Variants in CERS1 observed in about 807,000 individuals in gnomAD.
CERS1 encodes Embryonic growth/differentiation factor 1.
CERS1 carries 16 observed loss-of-function variants against 35.7 expected under a neutral mutation model. The observed-to-expected ratio is 0.45, with a 90% CI of 0.30 to 0.68. The LOEUF is 0.68. Among genes scored for constraint, CERS1 ranks in the 30% least tolerant of loss-of-function variants. The probability of loss-of-function intolerance (pLI) is 0.08; values close to 1 mark genes in which losing one functional copy is unlikely to be tolerated. For missense variants in CERS1, 454 were observed against 453.9 expected, an observed-to-expected ratio of 1.00 and a Z score of 0.00; for synonymous variants, 243 against 201.6, an observed-to-expected ratio of 1.21 and a Z score of -1.74.
In CERS1 at chr19:18,892,380, T is replaced by C. The variant is rs61364779; in HGVS notation, c.409+1036A>G. Among the ~76,000 whole-genome samples, 1,446 of 151,968 alleles carry C rather than the reference T, an allele frequency of 9.5e-3. 29 individuals are homozygous for C. Among genetic ancestry groups the C allele is most frequent in the African/African-American group, 0.033 (1,370 of 41,476 alleles). On this transcript the variant is annotated intron_variant, in intron 2 of 7. Coordinates refer to ENST00000623882, the MANE Select transcript of CERS1 (RefSeq NM_021267.5). Reference sequence around the variant, plus strand: ...CTGTAATCCCAGCACTTTGGGAGGCTGAGGCGGGCAGATCATGAGATCAGG... The same window carrying C: ...CTGTAATCCCAGCACTTTGGGAGGCCGAGGCGGGCAGATCATGAGATCAGG...
chr19:18,893,578 A>G lies in CERS1; in HGVS notation c.250-3T>C. The G allele has an allele frequency of 6.2e-7, 1 of 1,605,828 alleles. No individual in the cohort carries two copies. The highest frequency in any genetic ancestry group is 8.5e-7 in the Non-Finnish European group (1 of 1,177,092). ...AGGCAGCACCGCTTCGCCAGGGGCT[A>G]TGGGGGAGAAGACAGGCGGGCAGCC... On this transcript the variant is annotated splice_polypyrimidine_tract_variant and splice_region_variant and intron_variant, in intron 1 of 7. Coordinates refer to ENST00000623882, the MANE Select transcript of CERS1 (RefSeq NM_021267.5).
chr19:18,887,693 G>A (rs537443241), intron 2 of CERS1, among the ~76,000 whole-genome samples: 261 of 144,410 alleles, frequency 1.8e-3, no homozygotes, highest in African/African-American at 4.0e-3. Context: ...GTGGTGAGCC[G>A]AGATCACACC....
At chr19:18,877,238 A>C (rs1303644937) in intron 6 of CERS1, among the ~76,000 whole-genome samples, 1 of 152,214 alleles carries the variant, frequency 6.6e-6, no homozygotes, top group East Asian at 1.9e-4. Context: ...TGTTCTGATG[A>C]GACATCCTCA....
At chr19:18,883,372 A>G (rs1464996000) in intron 3 of CERS1, 1 of 152,182 alleles carries the variant, frequency 6.6e-6, no homozygotes, top group Non-Finnish European at 1.5e-5. Context: ...TTCAATATGG[A>G]GTCGAGATAA....
intron 2 of CERS1, among the ~76,000 whole-genome samples, chr19:18,892,833 G>C (rs1055286410): frequency 2.6e-5 from 4 of 152,136 alleles, no homozygotes; most frequent in Admixed American, 6.5e-5. Context: ...TGTCCCCAGG[G>C]ATCACCTTTG....
At position 18,884,453 on chromosome 19, in the gene CERS1, C is replaced by G. The variant is rs1164743086; in HGVS notation, c.410-186G>C. Among the ~76,000 whole-genome samples, 6 of 150,844 alleles carry G rather than the reference C, an allele frequency of 4.0e-5. No homozygotes were observed. In the East Asian group the frequency reaches 9.7e-4, roughly 24 times the overall value. ...TTTTTCTTTGAGACGGAGTCTCCCT[C>G]TGTCGCCCAGGCTGGAGTGCAGTGG... On this transcript the variant is annotated intron_variant, in intron 2 of 7. Transcript: ENST00000623882.
At chr19:18,883,322 A>C (rs2056261284) in intron 3 of CERS1, 1 of 152,202 alleles carries the variant, frequency 6.6e-6, no homozygotes. Context: ...AATTTTAATA[A>C]TGCATTCTAA....
intron 6 of CERS1, among the ~76,000 whole-genome samples, chr19:18,877,756 CAAA>C (rs386388683): frequency 1.9e-5 from 2 of 103,980 alleles, no homozygotes. Context: ...GACCCTGTCT[CAAA>C]AAAAAAAAAA....
rs886224872 is a variant in CERS1 at position 18,870,467 on chromosome 19, G to C, written c.*110C>G. On this transcript the variant is annotated 3_prime_UTR_variant, in exon 7 of 8. Coordinates refer to ENST00000623882, the MANE Select transcript of CERS1 (RefSeq NM_021267.5). This position sits in a 1 kb window ranked among gnomAD's most constrained non-coding sequence, Gnocchi z 5.1. The stretch of plus-strand genomic sequence containing the variant: ...GGGGCGGGGTCCCAGGGGAGGTGGC[G>C]GCGGCCCTAGAGGAGCAGAGTTGGA... The C allele has an allele frequency of 2.7e-6, 2 of 730,916 alleles. No homozygotes were observed. Among genetic ancestry groups the C allele is most frequent in the Non-Finnish European group, 4.5e-6 (2 of 440,326 alleles). The allele number at this position is 730,916 out of a possible 1,614,324, so 45.3% of individuals were successfully genotyped here. A position where few individuals can be genotyped will look rare whatever the true frequency, so the allele number is the denominator to read the frequency against.
intron 2 of CERS1, among the ~76,000 whole-genome samples, chr19:18,889,522 C>T (rs1290347868): frequency 6.6e-6 from 1 of 152,174 alleles, no homozygotes; most frequent in Non-Finnish European, 1.5e-5. Context: ...GCTCAAGCCT[C>T]AGCCTCAGCC....
intron 6 of CERS1, among the ~76,000 whole-genome samples, chr19:18,875,459 C>T (rs2056043891): frequency 6.6e-6 from 1 of 151,606 alleles, no homozygotes; most frequent in Non-Finnish European, 1.5e-5. Flanking sequence ...AGGAGAATTA[C>T]TTGAACCTGG....
chr19:18,894,063 G>A (rs1413329214), intron 1 of CERS1, among the ~76,000 whole-genome samples: 2 of 151,596 alleles, frequency 1.3e-5, no homozygotes, highest in South Asian at 4.2e-4. Context: ...AGAGGGCTGG[G>A]AGAGACTAGG....
intron 6 of CERS1, among the ~76,000 whole-genome samples, chr19:18,874,596 C>T (rs1038867148): frequency 3.3e-5 from 5 of 152,222 alleles, no homozygotes; most frequent in Non-Finnish European, 4.4e-5. Flanking sequence ...TGGCCGGTCC[C>T]GGCAGCCCCT....
chr19:18,869,877 G>T (rs1193361641), intron 7 of CERS1, 106 bp downstream of exon 7: 6 of 1,104,880 alleles, frequency 5.4e-6, no homozygotes, highest in African/African-American at 1.5e-5. Context: ...TGGACAGGGC[G>T]GGTGGGGACC....
At chr19:18,889,287 C>G (rs199865893) in intron 2 of CERS1, among the ~76,000 whole-genome samples, 1 of 152,138 alleles carries the variant, frequency 6.6e-6, no homozygotes, top group Non-Finnish European at 1.5e-5. Flanking sequence ...CATGTGAGCC[C>G]GAGCTTTTGC....
At chr19:18,873,385 A>G (rs1320979409) in intron 6 of CERS1, among the ~76,000 whole-genome samples, 1 of 152,018 alleles carries the variant, frequency 6.6e-6, no homozygotes, top group African/African-American at 2.4e-5. Context: ...GAGACAGAGC[A>G]GGAGTGCAGA....
intron 2 of CERS1, among the ~76,000 whole-genome samples, chr19:18,887,609 G>GT (rs760119005): frequency 6.6e-6 from 1 of 151,992 alleles, no homozygotes; most frequent in Non-Finnish European, 1.5e-5. Context: ...GCTGGGCATG[G>GT]TGGCGCATGC....
At chr19:18,879,475 TG>T (rs2056140617) in intron 4 of CERS1, 87 bp from the exon 5 acceptor site, 1 of 1,465,506 alleles carries the variant, frequency 6.8e-7, no homozygotes, top group Non-Finnish European at 9.2e-7. Context: ...GACCCACCCT[TG>T]CCCCCTTATC....
At chr19:18,890,296 C>T (rs1289542902) in intron 2 of CERS1, among the ~76,000 whole-genome samples, 6 of 152,244 alleles carry the variant, frequency 3.9e-5, no homozygotes, top group Admixed American at 2.0e-4. Context: ...CACAAGTTTT[C>T]TCATCCACAC....
Sources: gnomAD v4.1 joint callset for allele counts (sites outside exome capture counted in the v4.1 genomes callset) on GRCh38, gnomAD v4.1.1 for gene constraint, Gnocchi (gnomAD v3.1) non-coding constraint, MANE v1.5 for transcripts, NCBI Gene and HGNC (gene_info 2026-07-23, HGNC 2026-07-21) for gene names.